Variants in CDH10 observed in about 807,000 individuals in gnomAD.
The protein encoded by CDH10 is cadherin 10.
Under a neutral mutation model 73.1 loss-of-function variants are expected in CDH10, and 30 were observed. That is an observed-to-expected ratio of 0.41 (90% CI 0.31 to 0.56). The LOEUF (loss-of-function observed/expected upper bound fraction) is 0.56, where lower values mean the gene tolerates loss of function less well. CDH10 is among the 20% of genes least tolerant of loss of function. CDH10 has a pLI of 0.27. For synonymous variants in CDH10, 345 were observed against 348.2 expected (o/e 0.99, Z 0.10); for missense variants, 815 against 973.7 (o/e 0.84, Z 2.17).
intron 9 of CDH10, among the ~76,000 whole-genome samples, chr5:24,495,970 A>T (rs956369323): frequency 6.6e-6 from 1 of 152,130 alleles, no homozygotes. Context: ...GGCTATTCTG[A>T]AATAATCTTA....
At position 24,492,918 on chromosome 5, in the gene CDH10, T is replaced by A. The variant is rs540305296; in HGVS notation, c.1523A>T (p.Gln508Leu). The A allele has an allele frequency of 6.9e-7, 1 of 1,439,266 alleles. No individual in the cohort carries two copies. The highest frequency in any genetic ancestry group is 9.8e-7 in the Non-Finnish European group (1 of 1,021,942). 89.2% of individuals were successfully genotyped at this position (1,439,266 alleles called of 1,614,324 possible). ...CENARPGQLI[Q>L]TISAVDKDDP... ...ATCTTTGTCTACTGCACTTATAGTC[T>A]GTATTAGCTGCAGAAAAAGAAAAAT... Residue 508 changes from glutamine to leucine, a missense_variant, in exon 10 of 12, where the codon CAG becomes CTG. Transcript: ENST00000264463.
At chr5:24,637,016 C>T (rs550338676) in intron 1 of CDH10, among the ~76,000 whole-genome samples, 1 of 152,062 alleles carries the variant, frequency 6.6e-6, no homozygotes. Context: ...TATGGTATGG[C>T]TATAAATGCA....
At chr5:24,531,999 CA>C (rs1310975857) in intron 5 of CDH10, among the ~76,000 whole-genome samples, 2 of 152,048 alleles carry the variant, frequency 1.3e-5, no homozygotes, top group African/African-American at 4.8e-5. Flanking sequence ...TTGACATAAT[CA>C]AAAACGTCTT....
At chr5:24,531,323 TC>T (rs1743738119) in intron 5 of CDH10, among the ~76,000 whole-genome samples, 1 of 152,050 alleles carries the variant, frequency 6.6e-6, no homozygotes, top group South Asian at 2.1e-4. Context: ...ATGATTTGTC[TC>T]CCCTGCTTTA....
chr5:24,569,595 T>C (rs1745294830), intron 2 of CDH10, among the ~76,000 whole-genome samples: 2 of 152,290 alleles, frequency 1.3e-5, no homozygotes, highest in South Asian at 4.1e-4. Context: ...TCCAAAATAA[T>C]CTGTAAAAAT....
At chr5:24,491,973 AT>A (rs1351585549) in intron 10 of CDH10, 146 bp from the exon 11 acceptor site, 1 of 556,324 alleles carries the variant, frequency 1.8e-6, no homozygotes, top group Non-Finnish European at 3.1e-6. Context: ...GTACAATGCA[AT>A]TAATATATAG....
intron 5 of CDH10, among the ~76,000 whole-genome samples, chr5:24,529,859 G>A (rs1743667591): frequency 6.6e-6 from 1 of 151,862 alleles, no homozygotes; most frequent in African/African-American, 2.4e-5. Context: ...GTGAGTCAGT[G>A]AGTGTACAGA....
At chr5:24,489,390 C>A (rs1203716105) in intron 11 of CDH10, among the ~76,000 whole-genome samples, 1 of 151,972 alleles carries the variant, frequency 6.6e-6, no homozygotes, top group Non-Finnish European at 1.5e-5. Flanking sequence ...AGTGTTCTTG[C>A]CCAAGCAATT....
chr5:24,607,171 T>C (rs1469222218), intron 1 of CDH10, among the ~76,000 whole-genome samples: 2 of 152,138 alleles, frequency 1.3e-5, no homozygotes, highest in Non-Finnish European at 2.9e-5. Context: ...GTGTGTAATT[T>C]AATAAAGTGT....
At chr5:24,511,569 GA>G in intron 5 of CDH10, 55 bp from the exon 6 acceptor site, 3 of 801,570 alleles carry the variant, frequency 3.7e-6, no homozygotes, top group Non-Finnish European at 5.9e-6. Context: ...GAGAGAGAGA[GA>G]GAGAGAGAGA....
chr5:24,520,723 CT>C (rs1265591020), intron 5 of CDH10, among the ~76,000 whole-genome samples: 6 of 150,454 alleles, frequency 4.0e-5, no homozygotes, highest in African/African-American at 5.0e-5. Flanking sequence ...ACACAAATCA[CT>C]TTTTTTTTGT....
intron 1 of CDH10, among the ~76,000 whole-genome samples, chr5:24,596,584 T>C (rs1422621610): frequency 1.3e-5 from 2 of 151,994 alleles, no homozygotes; most frequent in Non-Finnish European, 2.9e-5. Flanking sequence ...ACTGGGAAGA[T>C]TAACATCAAA....
At chr5:24,591,711 C>T (rs1311661720) in intron 2 of CDH10, among the ~76,000 whole-genome samples, 1 of 151,834 alleles carries the variant, frequency 6.6e-6, no homozygotes, top group Non-Finnish European at 1.5e-5. Flanking sequence ...GAGCTTAATA[C>T]TCTCTTACTA....
intron 9 of CDH10, among the ~76,000 whole-genome samples, chr5:24,493,360 A>G (rs1742134768): frequency 1.3e-5 from 2 of 152,062 alleles, no homozygotes; most frequent in Admixed American, 1.3e-4. Context: ...GTTATATATT[A>G]CTTTTTAACA....
chr5:24,557,382 T>A lies in CDH10; in HGVS notation c.232-19708A>T, dbSNP rs73743639. ...CCCTAATTTACAGAATCATTATTAT[T>A]TCCCATTATGTAATTTTCAACTTAC... is the stretch of plus-strand genomic sequence containing the variant. On this transcript the variant is annotated intron_variant, in intron 2 of 11. Coordinates refer to ENST00000264463, the MANE Select transcript of CDH10 (RefSeq NM_006727.5). Among the ~76,000 whole-genome samples the A allele has an allele frequency of 2.9e-3, 436 of 151,852 alleles. 2 individuals are homozygous for A. Among genetic ancestry groups the A allele is most frequent in the African/African-American group, 9.7e-3 (403 of 41,526 alleles).
At chr5:24,640,345 T>G (rs1257075910) in intron 1 of CDH10, among the ~76,000 whole-genome samples, 1 of 151,442 alleles carries the variant, frequency 6.6e-6, no homozygotes, top group Non-Finnish European at 1.5e-5. Context: ...CCTGCTAAAT[T>G]TATGGGGATC....
chr5:24,577,133 C>T (rs1167607763), intron 2 of CDH10, among the ~76,000 whole-genome samples: 1 of 149,914 alleles, frequency 6.7e-6, no homozygotes, highest in Non-Finnish European at 1.5e-5. Context: ...TTTAAGGATA[C>T]ATGATGGCTA....
chr5:24,625,189 A>G (rs537714067), intron 1 of CDH10, among the ~76,000 whole-genome samples: 62 of 152,272 alleles, frequency 4.1e-4, no homozygotes, highest in African/African-American at 1.4e-3. Flanking sequence ...AAAAACATGC[A>G]ATAAATCAAT....
chr5:24,495,569 C>T (rs1742243026), intron 9 of CDH10, among the ~76,000 whole-genome samples: 1 of 152,038 alleles, frequency 6.6e-6, no homozygotes, highest in Non-Finnish European at 1.5e-5. Context: ...ACCCTTTTGG[C>T]CAGGCGCCGT....
Sources: gnomAD v4.1 joint callset for allele counts (sites outside exome capture counted in the v4.1 genomes callset) on GRCh38, gnomAD v4.1.1 for gene constraint, MANE v1.5 for transcripts, NCBI Gene and HGNC (gene_info 2026-07-23, HGNC 2026-07-21) for gene names.